PCBP3: variants seen among roughly 807,000 people sequenced by gnomAD.
PCBP3 encodes poly(rC)-binding protein 3.
PCBP3 carries 25 observed loss-of-function variants against 52.7 expected under a neutral mutation model. The ratio of observed to expected loss-of-function variants is 0.47; its 90% CI spans 0.35 to 0.66. PCBP3 has a LOEUF of 0.66. Among genes scored for constraint, PCBP3 ranks in the 30% least tolerant of loss-of-function variants. The pLI, the probability that PCBP3 is intolerant of heterozygous loss-of-function variation, is 0.01. For synonymous variants in PCBP3, 162 were observed against 183.0 expected (o/e 0.89, Z 0.93); for missense variants, 391 against 490.3 (o/e 0.80, Z 1.91).
Position 45,737,673 on chromosome 21 carries a change from G to T in PCBP3, c.-162+2244G>T, listed in dbSNP as rs2085988076. 6.6e-6 allele frequency among the ~76,000 whole-genome samples: 1 copy of T among 152,242 alleles called. No individual in the cohort carries two copies. Among genetic ancestry groups the T allele is most frequent in the African/African-American group, 2.4e-5 (1 of 41,478 alleles). On this transcript the variant is annotated intron_variant, in intron 3 of 17. Transcript: ENST00000681687. This position sits in a 1 kb window ranked among gnomAD's most constrained non-coding sequence, Gnocchi z 4.9. The stretch of plus-strand genomic sequence containing the variant: ...TGGGTTCTGGAGGCTGCAGCAGGCA[G>T]ATTCTGGAAATTCCCTGAGGCCTTC...
chr21:45,737,763 G>A lies in PCBP3; in HGVS notation c.-162+2334G>A, dbSNP rs927741547. Among the ~76,000 whole-genome samples, 1 of 152,208 alleles carries A rather than the reference G, an allele frequency of 6.6e-6. No homozygotes were observed. Among genetic ancestry groups the A allele is most frequent in the Non-Finnish European group, 1.5e-5 (1 of 68,038 alleles). ...CTCTTCTGCTGGTGGGAATGGAGGTGCCATGAGCACTGAGCTGGTTGGAAC... is the reference window on the plus strand; with the variant it reads ...CTCTTCTGCTGGTGGGAATGGAGGTACCATGAGCACTGAGCTGGTTGGAAC... On this transcript the variant is annotated intron_variant, in intron 3 of 17. Coordinates refer to ENST00000681687, the MANE Select transcript of PCBP3 (RefSeq NM_001384156.1). The surrounding 1 kb of genome is among the most constrained non-coding windows in gnomAD (Gnocchi z 4.9).
At chr21:45,814,781 A>AGTGG (rs1352098514) in intron 4 of PCBP3, among the ~76,000 whole-genome samples, 1 of 84,818 alleles carries the variant, frequency 1.2e-5, no homozygotes, top group Non-Finnish European at 2.4e-5. Flanking sequence ...GTGGTGAGTG[A>AGTGG]TGAGTGGTGA....
chr21:45,702,784 G>A lies in PCBP3; in HGVS notation c.-199-32608G>A, dbSNP rs2083212691. 4.6e-5 allele frequency among the ~76,000 whole-genome samples: 7 copies of A among 152,304 alleles called. No individual in the cohort carries two copies. The South Asian group carries it at 1.2e-3, about 27-fold the overall frequency. On this transcript the variant is annotated intron_variant, in intron 2 of 17. Transcript: ENST00000681687. Reference sequence around the variant, plus strand: ...CACATCAATGGACTCTTCCTTTCACGAAAGTTTTCTCTGTAGCATGTGATG... The same window carrying A: ...CACATCAATGGACTCTTCCTTTCACAAAAGTTTTCTCTGTAGCATGTGATG...
chr21:45,914,323 A>C, intron 12 of PCBP3: 1 of 512,502 alleles, frequency 2.0e-6, no homozygotes, highest in Non-Finnish European at 3.4e-6. Context: ...TAGGAAGCTT[A>C]GATAGCCGGC....
chr21:45,792,779 CAG>C (rs1169872635), intron 4 of PCBP3, among the ~76,000 whole-genome samples: 2 of 152,186 alleles, frequency 1.3e-5, no homozygotes, highest in Non-Finnish European at 2.9e-5. Context: ...TTAATGGACT[CAG>C]GGAGTTGGAG....
intron 4 of PCBP3, among the ~76,000 whole-genome samples, chr21:45,834,544 C>G (rs546487909): frequency 1.3e-5 from 2 of 152,194 alleles, no homozygotes; most frequent in Non-Finnish European, 2.9e-5. Context: ...TCGTGCTGGC[C>G]TCACAACAGA....
At chr21:45,941,147 T>A (rs1200709526) in intron 17 of PCBP3, among the ~76,000 whole-genome samples, 1 of 302 alleles carries the variant, frequency 3.3e-3, no homozygotes, top group East Asian at 0.12. Context: ...CCTCTTTCCA[T>A]CCCTGTGCCA....
At chr21:45,793,308 G>T (rs2091729594) in intron 4 of PCBP3, among the ~76,000 whole-genome samples, 1 of 152,096 alleles carries the variant, frequency 6.6e-6, no homozygotes, top group Admixed American at 6.5e-5. Flanking sequence ...CGCAGACCCA[G>T]AACTGTTACC....
At position 45,737,584 on chromosome 21, in the gene PCBP3, G is replaced by T. The variant is rs1174317088; in HGVS notation, c.-162+2155G>T. Among the ~76,000 whole-genome samples the T allele has an allele frequency of 6.6e-6, 1 of 152,236 alleles. No homozygotes were observed. Among genetic ancestry groups the T allele is most frequent in the African/African-American group, 2.4e-5 (1 of 41,464 alleles). ...GGGCGAGCCCGACCATGCAAGCCATGCCCCGGCAGCCAGGCTGAGAGGCAG... is the reference window on the plus strand; with the variant it reads ...GGGCGAGCCCGACCATGCAAGCCATTCCCCGGCAGCCAGGCTGAGAGGCAG... On this transcript the variant is annotated intron_variant, in intron 3 of 17. Transcript: ENST00000681687. This position sits in a 1 kb window ranked among gnomAD's most constrained non-coding sequence, Gnocchi z 4.9.
intron 5 of PCBP3, among the ~76,000 whole-genome samples, chr21:45,878,747 G>A (rs1222687283): frequency 3.9e-5 from 6 of 152,196 alleles, no homozygotes; most frequent in South Asian, 4.1e-4. Flanking sequence ...GGAGTGTTAC[G>A]ACAATATTCA....
chr21:45,651,474 T>C (rs894859829), intron 1 of PCBP3, among the ~76,000 whole-genome samples: 1 of 152,236 alleles, frequency 6.6e-6, no homozygotes, highest in Non-Finnish European at 1.5e-5. Context: ...GATATGCATA[T>C]CCTAAAGTTG....
intron 4 of PCBP3, among the ~76,000 whole-genome samples, chr21:45,836,007 A>G (rs1007884124): frequency 2.0e-5 from 3 of 152,082 alleles, no homozygotes; most frequent in African/African-American, 7.2e-5. Context: ...TATGAGCAAG[A>G]AGTTTGTGAG....
intron 4 of PCBP3, among the ~76,000 whole-genome samples, chr21:45,764,476 T>C (rs1228778459): frequency 6.6e-6 from 1 of 152,232 alleles, no homozygotes; most frequent in East Asian, 1.9e-4. Context: ...ACAAGCTGGC[T>C]GTGTATTAGT....
At chr21:45,835,177 A>T (rs2093553980) in intron 4 of PCBP3, among the ~76,000 whole-genome samples, 1 of 152,204 alleles carries the variant, frequency 6.6e-6, no homozygotes, top group Non-Finnish European at 1.5e-5. Context: ...GGGAGCCAAG[A>T]CAGAGAATAG....
intron 4 of PCBP3, among the ~76,000 whole-genome samples, chr21:45,810,690 A>C (rs4818801): frequency 0.13 from 20,084 of 152,146 alleles, 1,641 homozygotes; most frequent in Middle Eastern, 0.3. Flanking sequence ...GGTTTACGCA[A>C]TGACTTTGGA....
intron 4 of PCBP3, among the ~76,000 whole-genome samples, chr21:45,814,734 A>G (rs1427111075): frequency 1.5e-4 from 10 of 68,158 alleles, no homozygotes; most frequent in Non-Finnish European, 1.4e-4. Context: ...GTGAGTGGTG[A>G]GTGAGTGGTG....
At chr21:45,813,880 A>T (rs1326994227) in intron 4 of PCBP3, among the ~76,000 whole-genome samples, 2 of 152,228 alleles carry the variant, frequency 1.3e-5, no homozygotes, top group Admixed American at 1.3e-4. Context: ...CTGCATCTAC[A>T]TATGTGCAGT....
intron 10 of PCBP3, among the ~76,000 whole-genome samples, chr21:45,909,880 G>GCCACCCACTGCCCAGATACAGACCCGGC (rs1556308729): frequency 1.1e-3 from 40 of 37,314 alleles, no homozygotes; most frequent in Non-Finnish European, 1.5e-3. Flanking sequence ...TACGGACCCG[G>GCCACCCACTGCCCAGATACAGACCCGGC]CCACCCACTG....
intron 4 of PCBP3, among the ~76,000 whole-genome samples, chr21:45,764,333 G>A (rs772288496): frequency 6.6e-6 from 1 of 152,104 alleles, no homozygotes; most frequent in Non-Finnish European, 1.5e-5. Flanking sequence ...TGTTGGCCAG[G>A]CTGGTCTCGA....
Sources: allele counts gnomAD v4.1 joint callset (sites outside exome capture counted in the v4.1 genomes callset), GRCh38; gene constraint gnomAD v4.1.1; non-coding constraint Gnocchi (gnomAD v3.1); transcripts MANE v1.5; gene names NCBI Gene and HGNC (gene_info 2026-07-23, HGNC 2026-07-21).